Variants in ZNF829 observed in about 807,000 individuals in gnomAD.
The protein encoded by ZNF829 is zinc finger protein 829.
ZNF829 carries 25 observed loss-of-function variants against 35.2 expected under a neutral mutation model. The ratio of observed to expected loss-of-function variants is 0.71; its 90% CI spans 0.52 to 0.99. ZNF829 has a LOEUF of 0.99. Among genes scored for constraint, ZNF829 ranks in the 50% least tolerant of loss-of-function variants. The pLI is 0.00. For missense variants in ZNF829, 417 were observed against 515.3 expected (o/e 0.81, Z 1.85); for synonymous variants, 136 against 163.2 (o/e 0.83, Z 1.27).
chr19:36,907,664 G>A (rs1047543879), intron 5 of ZNF829: 3 of 270,186 alleles, frequency 1.1e-5, no homozygotes, highest in Non-Finnish European at 2.1e-5. Context: ...CTATTTCTCA[G>A]GGTGGGAATG....
At chr19:36,898,359 CAAAT>C (rs1386485281) in intron 5 of ZNF829, among the ~76,000 whole-genome samples, 1 of 152,028 alleles carries the variant, frequency 6.6e-6, no homozygotes, top group Non-Finnish European at 1.5e-5. Context: ...AGACAACAAA[CAAAT>C]AAAAAGATAT....
At chr19:36,900,182 A>G (rs909024265) in intron 5 of ZNF829, among the ~76,000 whole-genome samples, 1 of 150,382 alleles carries the variant, frequency 6.6e-6, no homozygotes, top group Non-Finnish European at 1.5e-5. Flanking sequence ...ACACACACAC[A>G]CACACACACA....
chr19:36,915,921 C>G lies in ZNF829; in HGVS notation c.-85+90G>C, dbSNP rs2073323090. On this transcript the variant is annotated intron_variant, in intron 1 of 5. Transcript: ENST00000391711. ...CCCAAGGCGCCAGCTCCCCATCGGT[C>G]TTCGGTATCCTCACCTAAGCCCTTT... 1.3e-6 allele frequency: 2 copies of G among 1,536,064 alleles called. No individual in the cohort carries two copies. Among genetic ancestry groups the G allele is most frequent in the Non-Finnish European group, 1.7e-6 (2 of 1,146,876 alleles).
At chr19:36,915,825 G>C in intron 1 of ZNF829, 186 bp downstream of exon 1, 1 of 1,531,686 alleles carries the variant, frequency 6.5e-7, no homozygotes, top group Non-Finnish European at 8.7e-7. Context: ...TCGATCTCTT[G>C]ACCTCGTGAT....
chr19:36,897,940 G>A (rs1287949431), intron 5 of ZNF829, among the ~76,000 whole-genome samples: 1 of 152,192 alleles, frequency 6.6e-6, no homozygotes, highest in Non-Finnish European at 1.5e-5. Context: ...AGGCCGAGGT[G>A]GGTGGATCAC....
chr19:36,896,364 T>C (rs184015243), intron 5 of ZNF829, among the ~76,000 whole-genome samples: 53 of 151,174 alleles, frequency 3.5e-4, no homozygotes, highest in South Asian at 4.2e-4. Context: ...GCACCTGTAA[T>C]CCGAGCTACT....
chr19:36,891,757 A>G lies in ZNF829; in HGVS notation c.1034T>C (p.Ile345Thr). 1 of 1,614,172 alleles carries G rather than the reference A, an allele frequency of 6.2e-7. No individual in the cohort carries two copies. The change falls in exon 6 of 6, where the codon ATT (isoleucine) becomes ACT (threonine). Residue 345 changes from isoleucine (I) to threonine (T), a missense_variant. Physicochemically the swap from Ile to Thr is moderately conservative, Grantham distance 89. Transcript: ENST00000391711. ...SASTLTNHHR[I>T]HAGEKLYECE... The stretch of plus-strand genomic sequence containing the variant: ...TTCATAGAGCTTCTCACCAGCATGA[A>G]TTCTGTGATGGTTAGTAAGTGTTGA...
chr19:36,899,151 C>A (rs766994724), intron 5 of ZNF829, among the ~76,000 whole-genome samples: 1 of 152,112 alleles, frequency 6.6e-6, no homozygotes, highest in Non-Finnish European at 1.5e-5. Context: ...AGCAAAAAAA[C>A]TTAATAGCAG....
chr19:36,909,469 C>T (rs1344794196), intron 3 of ZNF829, among the ~76,000 whole-genome samples: 1 of 152,066 alleles, frequency 6.6e-6, no homozygotes, highest in African/African-American at 2.4e-5. Flanking sequence ...CTAATGTCTG[C>T]AACAATGTCT....
chr19:36,892,630 C>T (rs1165697166), intron 5 of ZNF829, among the ~76,000 whole-genome samples, 159 bp from the exon 6 acceptor site: 2 of 152,148 alleles, frequency 1.3e-5, no homozygotes, highest in Admixed American at 1.3e-4. Context: ...AAAGCACAGA[C>T]ATTAGGAGAG....
intron 5 of ZNF829, among the ~76,000 whole-genome samples, chr19:36,896,952 A>G (rs2073118996): frequency 6.6e-6 from 1 of 152,198 alleles, no homozygotes; most frequent in Non-Finnish European, 1.5e-5. Context: ...GATAACCTAG[A>G]GGAAACAGAA....
intron 5 of ZNF829, among the ~76,000 whole-genome samples, chr19:36,900,624 G>T (rs886771969): frequency 2.0e-4 from 30 of 152,078 alleles, no homozygotes; most frequent in Non-Finnish European, 2.6e-4. Context: ...GAGGCAGGTG[G>T]ATCACTTGAA....
intron 3 of ZNF829, chr19:36,913,016 T>C (rs985186429): frequency 6.6e-6 from 1 of 152,102 alleles, no homozygotes; most frequent in Non-Finnish European, 1.5e-5. Context: ...TAAAAATTTA[T>C]TGTCTACTAC....
chr19:36,896,511 T>G (rs1300738715), intron 5 of ZNF829, among the ~76,000 whole-genome samples: 2 of 151,564 alleles, frequency 1.3e-5, no homozygotes, highest in East Asian at 1.9e-4. Context: ...AAAGGTAGAC[T>G]CCCATAAAAT....
At chr19:36,914,851 G>A (rs2073297008) in intron 3 of ZNF829, 114 bp downstream of exon 3, 3 of 915,160 alleles carry the variant, frequency 3.3e-6, no homozygotes, top group East Asian at 2.5e-5. Context: ...AATTCAGCAA[G>A]CATAAGTGGA....
chr19:36,914,034 A>G (rs2073284941), intron 3 of ZNF829, among the ~76,000 whole-genome samples: 1 of 152,210 alleles, frequency 6.6e-6, no homozygotes, highest in South Asian at 2.1e-4. Flanking sequence ...TAAACTGGGT[A>G]TTAATAAGGA....
At chr19:36,914,936 C>A in intron 3 of ZNF829, 29 bp downstream of exon 3, 2 of 1,611,956 alleles carry the variant, frequency 1.2e-6, no homozygotes, top group South Asian at 2.2e-5. Flanking sequence ...CAAGAATTTT[C>A]AGAAGAAAAA....
chr19:36,894,348 C>T (rs1369074748), intron 5 of ZNF829, among the ~76,000 whole-genome samples: 1 of 152,076 alleles, frequency 6.6e-6, no homozygotes, highest in African/African-American at 2.4e-5. Flanking sequence ...ATGACCATAA[C>T]AAGAAATACA....
chr19:36,895,903 A>T (rs1568368127), intron 5 of ZNF829, among the ~76,000 whole-genome samples: 1 of 152,170 alleles, frequency 6.6e-6, no homozygotes, highest in Non-Finnish European at 1.5e-5. Flanking sequence ...ATGGTGGCTC[A>T]TGCCTGTAAT....
Sources: allele counts gnomAD v4.1 joint callset (sites outside exome capture counted in the v4.1 genomes callset), GRCh38; gene constraint gnomAD v4.1.1; transcripts MANE v1.5; gene names NCBI Gene and HGNC (gene_info 2026-07-23, HGNC 2026-07-21).